Variants in CNOT4 observed in about 807,000 individuals in gnomAD.
The protein encoded by CNOT4 is CCR4-associated factor 4.
In CNOT4, 8 loss-of-function variants were observed where a neutral mutation model predicts 73.8. The ratio of observed to expected loss-of-function variants is 0.11; its 90% confidence interval spans 0.06 to 0.20. The LOEUF (loss-of-function observed/expected upper bound fraction) is 0.20, where lower values mean the gene tolerates loss of function less well. CNOT4 is among the 10% of genes least tolerant of loss of function. The probability of loss-of-function intolerance (pLI) is 1.00; values close to 1 mark genes in which losing one functional copy is unlikely to be tolerated. For missense variants in CNOT4, 564 were observed against 883.4 expected (o/e 0.64, Z 4.58); for synonymous variants, 293 against 321.1 (o/e 0.91, Z 0.94).
At chr7:135,413,922 A>G (rs111853868) in intron 5 of CNOT4, among the ~76,000 whole-genome samples, 5,275 of 152,100 alleles carry the variant, frequency 0.035, 305 homozygotes, top group African/African-American at 0.12. Context: ...GGTTAGACAC[A>G]TAAGAAGGCA....
Position 135,395,802 on chromosome 7 carries a change from T to C in CNOT4, c.961A>G (p.Ser321Gly). The C allele has an allele frequency of 1.2e-6, 2 of 1,613,622 alleles. No homozygotes were observed. The highest frequency in any genetic ancestry group is 1.7e-6 in the Non-Finnish European group (2 of 1,179,536). Residue 321 changes from serine to glycine, a missense_variant, in exon 9 of 12, where the codon AGT (serine) becomes GGT (glycine). Transcript: ENST00000541284. Reference protein sequence around the residue: ...PVIPISSSNHSARSPFEGAVT... With the variant: ...PVIPISSSNHGARSPFEGAVT... Reference sequence around the variant, plus strand: ...GCCCCTTCAAAAGGGGACCGTGCACTGTGATTGGATGAACTGATGGGGATG... The same window carrying C: ...GCCCCTTCAAAAGGGGACCGTGCACCGTGATTGGATGAACTGATGGGGATG...
At chr7:135,368,128 C>T (rs879190470) in intron 10 of CNOT4, among the ~76,000 whole-genome samples, 4 of 152,036 alleles carry the variant, frequency 2.6e-5, no homozygotes, top group Admixed American at 1.3e-4. Flanking sequence ...CAAGATGCGA[C>T]GTGTCACACT....
At chr7:135,415,308 C>T in intron 3 of CNOT4, 46 bp from the exon 4 acceptor site, 1 of 949,136 alleles carries the variant, frequency 1.1e-6, no homozygotes, top group South Asian at 1.4e-5. Flanking sequence ...CCATTTTAAA[C>T]AACTTTATCC....
At chr7:135,417,587 A>G (rs1797940369) in intron 3 of CNOT4, among the ~76,000 whole-genome samples, 1 of 152,170 alleles carries the variant, frequency 6.6e-6, no homozygotes, top group Non-Finnish European at 1.5e-5. Context: ...ACAACATGAG[A>G]TTGGTATGTA....
intron 1 of CNOT4, among the ~76,000 whole-genome samples, chr7:135,495,695 AAAGAAAGAAAGAAAG>A (rs1284404542): frequency 2.6e-4 from 4 of 15,326 alleles, no homozygotes; most frequent in Admixed American, 7.8e-4. Flanking sequence ...AAAAAAAAAG[AAAGAAAGAAAGAAAG>A]AAAGAAAGAA....
chr7:135,439,002 T>C (rs1799319853), intron 1 of CNOT4, among the ~76,000 whole-genome samples: 1 of 152,008 alleles, frequency 6.6e-6, no homozygotes, highest in African/African-American at 2.4e-5. Flanking sequence ...GAAACACGTA[T>C]TAAACAAAAG....
chr7:135,384,648 C>T (rs117920685), intron 10 of CNOT4: 22 of 765,018 alleles, frequency 2.9e-5, no homozygotes, highest in African/African-American at 2.0e-4. Context: ...CACCACCCAA[C>T]GACATCTATT....
At chr7:135,383,544 C>T (rs1486408204) in intron 10 of CNOT4, among the ~76,000 whole-genome samples, 1 of 152,196 alleles carries the variant, frequency 6.6e-6, no homozygotes, top group Non-Finnish European at 1.5e-5. Context: ...TGCCCATCTG[C>T]GGATGCATGG....
At chr7:135,437,069 T>G (rs1445235795) in intron 2 of CNOT4, among the ~76,000 whole-genome samples, 1 of 152,256 alleles carries the variant, frequency 6.6e-6, no homozygotes, top group Non-Finnish European at 1.5e-5. Context: ...GTGGCAGTCC[T>G]ACCTATCCTA....
rs367929603 is a variant in CNOT4, at chr7:135,414,326, A to G, written c.561+5T>C. ...AAAAAAAAAGAATCAAGAGGACTATATTACCTTAAGTGTTCTGCCATCTAC... is the reference window on the plus strand; with the variant it reads ...AAAAAAAAAGAATCAAGAGGACTATGTTACCTTAAGTGTTCTGCCATCTAC... On this transcript the variant is annotated splice_donor_5th_base_variant and intron_variant, in intron 5 of 11. Coordinates refer to ENST00000541284, the MANE Select transcript of CNOT4 (RefSeq NM_001190850.2). 8.3e-6 allele frequency: 9 copies of G among 1,087,324 alleles called. No homozygotes were observed. Among genetic ancestry groups the G allele is most frequent in the African/African-American group, 1.6e-5 (1 of 63,098 alleles). The allele number at this position is 1,087,324 out of a possible 1,614,324, so 67.4% of individuals were successfully genotyped here.
intron 10 of CNOT4, among the ~76,000 whole-genome samples, chr7:135,369,468 T>C (rs1795080776): frequency 6.6e-6 from 1 of 152,244 alleles, no homozygotes; most frequent in South Asian, 2.1e-4. Flanking sequence ...CTTCAGTTTT[T>C]GAGCCATATT....
chr7:135,436,146 A>G (rs906179305), intron 2 of CNOT4, among the ~76,000 whole-genome samples: 1 of 168 alleles, frequency 6.0e-3, no homozygotes, highest in Non-Finnish European at 0.022. Flanking sequence ...CCTTTTATTC[A>G]TATCAAGCTT....
chr7:135,413,855 T>A (rs1405867686), intron 5 of CNOT4, among the ~76,000 whole-genome samples: 1 of 152,002 alleles, frequency 6.6e-6, no homozygotes, highest in Non-Finnish European at 1.5e-5. Flanking sequence ...GACACCCAAA[T>A]CTTCCCTAGA....
Position 135,367,585 on chromosome 7 carries a change from G to A in CNOT4, c.1628-3519C>T, listed in dbSNP as rs370958727. Among the ~76,000 whole-genome samples the A allele has an allele frequency of 5.3e-5, 8 of 152,258 alleles. No individual in the cohort carries two copies. The East Asian group carries it at 1.5e-3, about 29-fold the overall frequency. ...ATGCCTAATAACAAATGCTCCACTG[G>A]TGGTCAATACCGAACGGATAGTAAA... On this transcript the variant is annotated intron_variant, in intron 10 of 11. Transcript: ENST00000541284.
chr7:135,417,020 T>C (rs770033130), intron 3 of CNOT4, among the ~76,000 whole-genome samples: 1 of 152,220 alleles, frequency 6.6e-6, no homozygotes, highest in Non-Finnish European at 1.5e-5. Context: ...CTAAGAGTTA[T>C]CTGAGAAAAA....
At chr7:135,382,722 A>G (rs894595780) in intron 10 of CNOT4, among the ~76,000 whole-genome samples, 1 of 152,244 alleles carries the variant, frequency 6.6e-6, no homozygotes, top group Non-Finnish European at 1.5e-5. Flanking sequence ...TCTAAACAAT[A>G]TAACAACTAT....
intron 1 of CNOT4, among the ~76,000 whole-genome samples, chr7:135,447,420 T>C (rs1799900826): frequency 6.6e-6 from 1 of 152,240 alleles, no homozygotes; most frequent in Admixed American, 6.5e-5. Context: ...AGCTTACTTA[T>C]GTTTTAGAAA....
intron 10 of CNOT4, among the ~76,000 whole-genome samples, chr7:135,379,052 G>A (rs1480905664): frequency 2.0e-5 from 3 of 151,684 alleles, no homozygotes; most frequent in African/African-American, 2.4e-5. Flanking sequence ...AATCCAGTAG[G>A]AAAATCATAT....
intron 10 of CNOT4, among the ~76,000 whole-genome samples, chr7:135,368,408 T>A (rs757843162): frequency 3.9e-5 from 6 of 152,120 alleles, no homozygotes; most frequent in African/African-American, 7.2e-5. Context: ...ACAGTGTACA[T>A]GAAACACAAA....
Sources: gnomAD v4.1 joint callset for allele counts (sites outside exome capture counted in the v4.1 genomes callset) on GRCh38, gnomAD v4.1.1 for gene constraint, MANE v1.5 for transcripts, NCBI Gene and HGNC (gene_info 2026-07-23, HGNC 2026-07-21) for gene names.